WWOX: variants seen among roughly 807,000 people sequenced by gnomAD.
WWOX encodes WW domain-containing oxidoreductase.
Under a neutral mutation model 46.2 loss-of-function variants are expected in WWOX, and 69 were observed. That is an observed-to-expected ratio of 1.49 (90% confidence interval 1.23 to 1.82). The LOEUF is 1.82. Among genes scored for constraint, WWOX ranks in the 40% most tolerant of loss-of-function variants. The pLI is 0.00. For missense variants in WWOX, 919 were observed against 542.6 expected (o/e 1.69, Z -6.89); for synonymous variants, 359 against 202.6 (o/e 1.77, Z -6.56).
intron 8 of WWOX, among the ~76,000 whole-genome samples, chr16:78,454,745 C>T (rs573297679): frequency 1.3e-5 from 2 of 152,322 alleles, no homozygotes; most frequent in Admixed American, 1.3e-4. Flanking sequence ...GATCCATCCT[C>T]CTCAGCCTCC....
chr16:78,108,608 C>A, intron 2 of WWOX, 121 bp downstream of exon 2: 1 of 1,068,518 alleles, frequency 9.4e-7, no homozygotes, highest in Non-Finnish European at 1.4e-6. Context: ...GAGAACCAGA[C>A]TCCCACTCTG....
At chr16:78,958,129 C>G (rs2046205258) in intron 8 of WWOX, among the ~76,000 whole-genome samples, 1 of 152,166 alleles carries the variant, frequency 6.6e-6, no homozygotes, top group Non-Finnish European at 1.5e-5. Flanking sequence ...CCTATTGTTC[C>G]TTAACTTGCT....
chr16:78,618,132 C>T (rs1283914260), intron 8 of WWOX, among the ~76,000 whole-genome samples: 1 of 152,172 alleles, frequency 6.6e-6, no homozygotes, highest in African/African-American at 2.4e-5. Context: ...GGCTTGGAGG[C>T]AGGAAATCAC....
At chr16:79,166,763 A>G (rs1407531757) in intron 8 of WWOX, among the ~76,000 whole-genome samples, 3 of 152,174 alleles carry the variant, frequency 2.0e-5, no homozygotes, top group Admixed American at 6.5e-5. Flanking sequence ...GAAGCTCTTT[A>G]ACACTGTGTT....
rs141527230 is a variant in WWOX, at chr16:78,318,938, C to T, written c.517-67922C>T. Among the ~76,000 whole-genome samples the T allele has an allele frequency of 1.6e-3, 236 of 152,148 alleles. 1 individual carries two copies. The highest frequency in any genetic ancestry group is 0.011 in the East Asian group (59 of 5,160). Reference sequence around the variant, plus strand: ...TTATTAGGATGTCTGCGTCCTAATCCGCGGAAACTATGGATATGCTTTGTT... The same window carrying T: ...TTATTAGGATGTCTGCGTCCTAATCTGCGGAAACTATGGATATGCTTTGTT... On this transcript the variant is annotated intron_variant, in intron 5 of 8. Coordinates refer to ENST00000566780, the MANE Select transcript of WWOX (RefSeq NM_016373.4).
chr16:79,080,500 T>G (rs1333600661), intron 8 of WWOX, among the ~76,000 whole-genome samples: 1 of 152,084 alleles, frequency 6.6e-6, no homozygotes, highest in South Asian at 2.1e-4. Context: ...ATACTCCTCT[T>G]TGCACGTTGC....
rs142133471 is a variant in WWOX, at chr16:78,494,938, T to A, written c.1056+62186T>A. 1.8e-3 allele frequency among the ~76,000 whole-genome samples: 280 copies of A among 152,330 alleles called. 1 individual carries two copies. Among genetic ancestry groups the A allele is most frequent in the African/African-American group, 6.5e-3 (270 of 41,578 alleles). ...CTTGTTATTTCCTCTTTCGGTACTT[T>A]GTTGCAACCCAGCTCACCGCCATCA... On this transcript the variant is annotated intron_variant, in intron 8 of 8. Coordinates refer to ENST00000566780, the MANE Select transcript of WWOX (RefSeq NM_016373.4).
At chr16:78,610,018 G>A (rs149735603) in intron 8 of WWOX, among the ~76,000 whole-genome samples, 1 of 147,658 alleles carries the variant, frequency 6.8e-6, no homozygotes, top group African/African-American at 2.5e-5. Flanking sequence ...TTAGCAGAAG[G>A]TAGCTCTGCG....
intron 8 of WWOX, among the ~76,000 whole-genome samples, chr16:78,541,043 C>A (rs918452105): frequency 6.6e-6 from 1 of 152,136 alleles, no homozygotes; most frequent in South Asian, 2.1e-4. Context: ...TGGGTAGATA[C>A]AATTAATTTA....
chr16:78,254,233 T>G (rs2038062766), intron 5 of WWOX, among the ~76,000 whole-genome samples: 2 of 151,658 alleles, frequency 1.3e-5, no homozygotes, highest in South Asian at 4.2e-4. Context: ...GCTAAATTTT[T>G]TTTGAAACTA....
At chr16:78,594,080 C>T (rs1012524424) in intron 8 of WWOX, among the ~76,000 whole-genome samples, 18 of 152,096 alleles carry the variant, frequency 1.2e-4, no homozygotes, top group South Asian at 6.2e-4. Context: ...ATAAAGTCTG[C>T]GGCAAGAGGA....
chr16:78,779,938 C>G (rs1266893381), intron 8 of WWOX, among the ~76,000 whole-genome samples: 9 of 152,314 alleles, frequency 5.9e-5, no homozygotes, highest in Admixed American at 3.9e-4. Context: ...AGCCACAAAT[C>G]AATAATGAAA....
chr16:78,112,688 T>TTC (rs1325138486), intron 3 of WWOX, among the ~76,000 whole-genome samples: 1 of 151,874 alleles, frequency 6.6e-6, no homozygotes, highest in African/African-American at 2.4e-5. Context: ...TTTTTTTTTT[T>TTC]TCCAAGTTTT....
At chr16:78,253,911 G>T (rs559495952) in intron 5 of WWOX, among the ~76,000 whole-genome samples, 1 of 152,152 alleles carries the variant, frequency 6.6e-6, no homozygotes, top group East Asian at 1.9e-4. Context: ...CATTCCCCTG[G>T]TACAACTCAA....
At chr16:79,030,425 A>G (rs879470388) in intron 8 of WWOX, among the ~76,000 whole-genome samples, 1 of 152,086 alleles carries the variant, frequency 6.6e-6, no homozygotes, top group Non-Finnish European at 1.5e-5. Context: ...TTTTTCCCAA[A>G]GTGTTCTCCA....
intron 8 of WWOX, among the ~76,000 whole-genome samples, chr16:78,768,157 C>T (rs942240742): frequency 1.3e-5 from 2 of 148,452 alleles, no homozygotes; most frequent in Non-Finnish European, 3.0e-5. Context: ...GGCTGCGGGG[C>T]GGGGGGGTCG....
chr16:78,705,136 G>C (rs542530112), intron 8 of WWOX, among the ~76,000 whole-genome samples: 1 of 152,138 alleles, frequency 6.6e-6, no homozygotes, highest in Non-Finnish European at 1.5e-5. Context: ...AGAAAAGGCT[G>C]TGATTTTCTT....
intron 6 of WWOX, among the ~76,000 whole-genome samples, chr16:78,413,065 G>A (rs2082719597): frequency 6.6e-6 from 1 of 152,176 alleles, no homozygotes; most frequent in African/African-American, 2.4e-5. Flanking sequence ...CACCTAATGG[G>A]TTCTCCTTTC....
chr16:79,009,511 A>G (rs2047260567), intron 8 of WWOX, among the ~76,000 whole-genome samples: 1 of 151,852 alleles, frequency 6.6e-6, no homozygotes, highest in Non-Finnish European at 1.5e-5. Flanking sequence ...TGTGTCACCT[A>G]GGCTGGAGTG....
Sources: gnomAD v4.1 joint callset for allele counts (sites outside exome capture counted in the v4.1 genomes callset) on GRCh38, gnomAD v4.1.1 for gene constraint, MANE v1.5 for transcripts, NCBI Gene and HGNC (gene_info 2026-07-23, HGNC 2026-07-21) for gene names.